The following SLC35F4 variants were observed in gnomAD, a reference collection of about 807,000 sequenced individuals.
The protein encoded by SLC35F4 is chromosome 14 open reading frame 36.
Under a neutral mutation model 44.2 loss-of-function variants are expected in SLC35F4, and 24 were observed. The ratio of observed to expected loss-of-function variants is 0.54; its 90% CI spans 0.39 to 0.76. The LOEUF is 0.76. Among genes scored for constraint, SLC35F4 ranks in the 30% least tolerant of loss-of-function variants. SLC35F4 has a pLI of 0.00. For missense variants in SLC35F4, 562 were observed against 586.1 expected (o/e 0.96, Z 0.42); for synonymous variants, 238 against 223.6 (o/e 1.06, Z -0.57).
At chr14:57,815,357 C>G (rs945137729) in intron 1 of SLC35F4, among the ~76,000 whole-genome samples, 1 of 152,144 alleles carries the variant, frequency 6.6e-6, no homozygotes, top group Non-Finnish European at 1.5e-5. Context: ...CACATTTTGC[C>G]ATAAGTTGGT....
At chr14:57,772,662 C>T (rs1441524687) in intron 1 of SLC35F4, among the ~76,000 whole-genome samples, 2 of 152,122 alleles carry the variant, frequency 1.3e-5, no homozygotes, top group Admixed American at 1.3e-4. Flanking sequence ...GAACAATAGC[C>T]TCTAGTTCCA....
At chr14:57,764,896 C>A (rs1269626255) in intron 1 of SLC35F4, among the ~76,000 whole-genome samples, 1 of 152,138 alleles carries the variant, frequency 6.6e-6, no homozygotes, top group Non-Finnish European at 1.5e-5. Flanking sequence ...ATAATATTAT[C>A]TTTAAAGTAG....
At chr14:57,869,210 T>TA (rs1261112004), upstream of SLC35F4, among the ~76,000 whole-genome samples, 12 of 150,836 alleles carry the variant, frequency 8.0e-5, no homozygotes, top group Admixed American at 2.0e-4. Flanking sequence ...TTTTTTTTTT[T>TA]TAAAAAAAGC....
intron 1 of SLC35F4, among the ~76,000 whole-genome samples, chr14:57,685,610 C>A (rs1225390552): frequency 1.3e-5 from 2 of 152,070 alleles, no homozygotes; most frequent in Admixed American, 6.6e-5. Flanking sequence ...TCTTTACAGT[C>A]CTAAACAGAG....
chr14:57,843,042 C>T (rs1207498074), intron 1 of SLC35F4, among the ~76,000 whole-genome samples: 1 of 152,158 alleles, frequency 6.6e-6, no homozygotes, highest in Non-Finnish European at 1.5e-5. Flanking sequence ...TGGACTTACA[C>T]CAGTGATTTG....
At chr14:57,619,779 A>G (rs963734508) in intron 1 of SLC35F4, among the ~76,000 whole-genome samples, 2 of 152,176 alleles carry the variant, frequency 1.3e-5, no homozygotes, top group African/African-American at 2.4e-5. Flanking sequence ...AAATGCAAGG[A>G]AGCTAAGAAC....
chr14:57,758,001 A>ATGTGTGTGTGTGTGTGTG (rs34860997), intron 1 of SLC35F4, among the ~76,000 whole-genome samples: 3 of 128,922 alleles, frequency 2.3e-5, no homozygotes, highest in African/African-American at 8.7e-5. Flanking sequence ...TTATAGGTTC[A>ATGTGTGTGTGTGTGTGTG]TGTGTGTGTG....
intron 1 of SLC35F4, among the ~76,000 whole-genome samples, chr14:57,741,492 G>A (rs1177231082): frequency 2.0e-5 from 3 of 152,094 alleles, no homozygotes; most frequent in Non-Finnish European, 4.4e-5. Flanking sequence ...GGGTATCAGT[G>A]ATGGAAGATC....
At chr14:57,707,515 T>C (rs1401427032) in intron 1 of SLC35F4, among the ~76,000 whole-genome samples, 1 of 152,188 alleles carries the variant, frequency 6.6e-6, no homozygotes, top group Non-Finnish European at 1.5e-5. Context: ...GTAAATTTCC[T>C]GAGGCCTTCC....
At chr14:57,574,179 A>G (rs1439446052) in intron 4 of SLC35F4, among the ~76,000 whole-genome samples, 1 of 152,222 alleles carries the variant, frequency 6.6e-6, no homozygotes, top group Admixed American at 6.5e-5. Flanking sequence ...TGAGTTAGCT[A>G]CTAGTAAAAA....
downstream of SLC35F4, among the ~76,000 whole-genome samples, chr14:57,975,600 G>A (rs550007286): frequency 2.0e-5 from 3 of 152,184 alleles, no homozygotes; most frequent in South Asian, 6.2e-4. Context: ...GAAAATTTCA[G>A]AAAAATGGAA....
At chr14:57,886,453 C>G (rs1888647990) in intron 1 of SLC35F4, among the ~76,000 whole-genome samples, 1 of 152,158 alleles carries the variant, frequency 6.6e-6, no homozygotes, top group South Asian at 2.1e-4. Context: ...CTCTCCTAAA[C>G]TTCAGTAGGA....
At chr14:57,664,472 G>A (rs963359468) in intron 1 of SLC35F4, among the ~76,000 whole-genome samples, 5 of 152,064 alleles carry the variant, frequency 3.3e-5, no homozygotes, top group East Asian at 1.9e-4. Context: ...ACATTGGCAC[G>A]ATCTCGGCTC....
chr14:57,821,192 C>A (rs1009966225), intron 1 of SLC35F4, among the ~76,000 whole-genome samples: 2 of 149,912 alleles, frequency 1.3e-5, no homozygotes, highest in African/African-American at 4.8e-5. Flanking sequence ...TCTTCCCAGG[C>A]TTTTGGATTT....
intron 1 of SLC35F4, among the ~76,000 whole-genome samples, chr14:57,762,232 C>T (rs2077140626): frequency 1.3e-5 from 2 of 152,066 alleles, no homozygotes; most frequent in Non-Finnish European, 1.5e-5. Context: ...TGATAGATTC[C>T]CTGACTAAAG....
intron 1 of SLC35F4, among the ~76,000 whole-genome samples, chr14:57,797,502 C>T (rs1296178567): frequency 6.6e-6 from 1 of 152,126 alleles, no homozygotes; most frequent in East Asian, 1.9e-4. Context: ...CCAGTCACCT[C>T]ATCTCTTTGG....
At chr14:57,956,048 A>G (rs1890231454) in intron 1 of SLC35F4, among the ~76,000 whole-genome samples, 1 of 152,190 alleles carries the variant, frequency 6.6e-6, no homozygotes, top group Non-Finnish European at 1.5e-5. Flanking sequence ...CTATACTATA[A>G]GGCTACAATA....
intron 1 of SLC35F4, among the ~76,000 whole-genome samples, chr14:57,605,307 C>T (rs563244599): frequency 6.0e-4 from 92 of 152,140 alleles, no homozygotes; most frequent in African/African-American, 2.0e-3. Context: ...TATGAACAGA[C>T]AGTTCTGAAA....
At chr14:57,566,643 A>T in intron 6 of SLC35F4, 79 bp from the exon 7 acceptor site, 3 of 1,371,968 alleles carry the variant, frequency 2.2e-6, no homozygotes, top group Non-Finnish European at 3.0e-6. Context: ...AAATGAATCA[A>T]TGTCTTTGCT....
Sources: gnomAD v4.1 joint callset for allele counts (sites outside exome capture counted in the v4.1 genomes callset) on GRCh38, gnomAD v4.1.1 for gene constraint, MANE v1.5 for transcripts, NCBI Gene and HGNC (gene_info 2026-07-23, HGNC 2026-07-21) for gene names.